The following STK3 variants were observed in gnomAD, a reference collection of about 807,000 sequenced individuals.
The protein encoded by STK3 is serine/threonine-protein kinase 3.
A neutral mutation model predicts 58.0 loss-of-function variants in STK3; 41 were observed. The observed-to-expected ratio is 0.71, with a 90% confidence interval of 0.55 to 0.92. The LOEUF is 0.92. Among genes scored for constraint, STK3 ranks in the 40% least tolerant of loss-of-function variants. The pLI is 0.00. For synonymous variants in STK3, 170 were observed against 191.0 expected, an observed-to-expected ratio of 0.89 and a Z score of 0.91; for missense variants, 479 against 602.7, an observed-to-expected ratio of 0.79 and a Z score of 2.15.
At chr8:98,696,534 A>G (rs1824951757) in intron 6 of STK3, among the ~76,000 whole-genome samples, 2 of 152,140 alleles carry the variant, frequency 1.3e-5, no homozygotes, top group South Asian at 2.1e-4. Flanking sequence ...ACGTCCCATC[A>G]ATACCTAATT....
intron 2 of STK3, among the ~76,000 whole-genome samples, chr8:98,435,086 A>G (rs1818439382): frequency 6.6e-6 from 1 of 152,202 alleles, no homozygotes; most frequent in Non-Finnish European, 1.5e-5. Context: ...AATAGAGAGC[A>G]CAGGAGCCCC....
At chr8:98,421,530 T>G (rs1441461785) in intron 3 of STK3, among the ~76,000 whole-genome samples, 1 of 152,142 alleles carries the variant, frequency 6.6e-6, no homozygotes, top group Non-Finnish European at 1.5e-5. Flanking sequence ...TCCCAGCACT[T>G]TGGGAGGCTG....
At chr8:98,777,061 A>T (rs1337737251) in intron 1 of STK3, among the ~76,000 whole-genome samples, 1 of 151,810 alleles carries the variant, frequency 6.6e-6, no homozygotes, top group African/African-American at 2.4e-5. Context: ...AAAAAAAAAA[A>T]TTAATTAAAA....
At chr8:98,406,550 A>G (rs1241442633) in intron 3 of STK3, among the ~76,000 whole-genome samples, 1 of 152,046 alleles carries the variant, frequency 6.6e-6, no homozygotes, top group Non-Finnish European at 1.5e-5. Context: ...CCCATAGTAG[A>G]GACTTACAGG....
intron 1 of STK3, among the ~76,000 whole-genome samples, chr8:98,777,537 T>C (rs1167667570): frequency 1.3e-5 from 2 of 151,930 alleles, no homozygotes; most frequent in African/African-American, 4.8e-5. Flanking sequence ...ATAGCAGAAA[T>C]GGTTCTGAAT....
At chr8:98,393,383 A>G (rs1817866251) in intron 3 of STK3, among the ~76,000 whole-genome samples, 1 of 152,160 alleles carries the variant, frequency 6.6e-6, no homozygotes. Flanking sequence ...AGATATGGCA[A>G]TAGTCCTTCA....
chr8:98,487,488 T>G (rs921093022), intron 10 of STK3, among the ~76,000 whole-genome samples: 1 of 152,154 alleles, frequency 6.6e-6, no homozygotes, highest in Non-Finnish European at 1.5e-5. Flanking sequence ...TGAATTGATA[T>G]CTCCAGTCTG....
intron 7 of STK3, among the ~76,000 whole-genome samples, chr8:98,581,247 G>A (rs928181537): frequency 1.3e-5 from 2 of 152,172 alleles, no homozygotes; most frequent in African/African-American, 4.8e-5. Context: ...GTCCTGTACT[G>A]GTACTGTGGG....
chr8:98,837,370 A>T (rs1246412020), intron 3 of STK3, among the ~76,000 whole-genome samples: 1 of 151,802 alleles, frequency 6.6e-6, no homozygotes, highest in Non-Finnish European at 1.5e-5. Context: ...CAGCAAAAAA[A>T]AAAAAAAAAG....
rs566168244 is a variant in STK3, at chr8:98,871,129, T to G, written c.110+12518A>C. On this transcript the variant is annotated intron_variant, in intron 3 of 12. Transcript: ENST00000523601. ...CTTTCCCCATTTCTTGTTTTTGTCA[T>G]GTTTGTCAAAGATCAGATGGTTGTA... Among the ~76,000 whole-genome samples, 1,437 of 152,232 alleles carry G rather than the reference T, an allele frequency of 9.4e-3. 16 individuals carry two copies. Among genetic ancestry groups the G allele is most frequent in the South Asian group, 0.029 (141 of 4,826 alleles).
intron 3 of STK3, among the ~76,000 whole-genome samples, chr8:98,860,599 C>T (rs561323641): frequency 1.3e-4 from 20 of 152,216 alleles, no homozygotes; most frequent in East Asian, 1.9e-4. Context: ...CATGATAACG[C>T]GCAGATTGCA....
intron 6 of STK3, among the ~76,000 whole-genome samples, chr8:98,697,459 A>G (rs996643562): frequency 2.0e-5 from 3 of 152,028 alleles, no homozygotes; most frequent in African/African-American, 4.8e-5. Context: ...TAGGGTGTCA[A>G]TTTTGGATCT....
At chr8:98,686,915 G>A (rs1164078329) in intron 6 of STK3, among the ~76,000 whole-genome samples, 1 of 152,078 alleles carries the variant, frequency 6.6e-6, no homozygotes, top group East Asian at 1.9e-4. Context: ...AAGCCTTCAA[G>A]AAATATGAGA....
At chr8:98,707,006 C>T (rs1826015597) in intron 5 of STK3, 141 bp downstream of exon 5, 1 of 853,632 alleles carries the variant, frequency 1.2e-6, no homozygotes, top group Admixed American at 3.6e-5. Flanking sequence ...TCAAATTTGG[C>T]TCAATTATGG....
At chr8:98,687,642 G>A (rs1238746220) in intron 6 of STK3, among the ~76,000 whole-genome samples, 1 of 152,148 alleles carries the variant, frequency 6.6e-6, no homozygotes, top group Non-Finnish European at 1.5e-5. Context: ...ATTCTTAAAA[G>A]AAATGCCAGC....
At chr8:98,612,595 C>A (rs1390736925) in intron 6 of STK3, among the ~76,000 whole-genome samples, 1 of 151,808 alleles carries the variant, frequency 6.6e-6, no homozygotes, top group South Asian at 2.1e-4. Context: ...ATATATTCCA[C>A]ACTTGGGGCC....
Position 98,428,750 on chromosome 8 carries a change from G to T in STK3, n.483+5377C>A. ...CCCCTGACTTCCTCAAGTTCTTCAA[G>T]AATGCCCTAAACCTTATTGACCTCA... On this transcript the variant is annotated intron_variant and non_coding_transcript_variant, in intron 3 of 3. Coordinates refer to the STK3 transcript ENST00000517832. This position sits in a 1 kb window ranked among gnomAD's most constrained non-coding sequence, Gnocchi z 6.7. The T allele has an allele frequency of 6.2e-7, 1 of 1,614,216 alleles. No homozygotes were observed. Among genetic ancestry groups the T allele is most frequent in the Non-Finnish European group, 8.5e-7 (1 of 1,180,044 alleles).
chr8:98,754,501 A>ACT lies in STK3; in HGVS notation c.237-5113_237-5112dup, dbSNP rs540376978. Among the ~76,000 whole-genome samples, 1,474 of 147,534 alleles carry ACT rather than the reference A, an allele frequency of 1.0e-2. 11 individuals are homozygous for ACT. The highest frequency in any genetic ancestry group is 0.019 in the Admixed American group (285 of 14,860). On this transcript the variant is annotated intron_variant, in intron 3 of 10. Transcript: ENST00000419617. Reference sequence around the variant, plus strand: ...ATATCCTTCAGGGGAAAAAAAAAAAACTCTCTCTCTCTCTCTTTTTTTTTC... The same window carrying ACT: ...ATATCCTTCAGGGGAAAAAAAAAAAACTCTCTCTCTCTCTCTCTTTTTTTTTC...
chr8:98,389,557 A>G (rs547064568), upstream of STK3, among the ~76,000 whole-genome samples: 3 of 152,264 alleles, frequency 2.0e-5, no homozygotes, highest in East Asian at 5.8e-4. Context: ...GGGTGGTGCT[A>G]GCCCTGAAGG....
Sources: allele counts gnomAD v4.1 joint callset (sites outside exome capture counted in the v4.1 genomes callset), GRCh38; gene constraint gnomAD v4.1.1; non-coding constraint Gnocchi (gnomAD v3.1); transcripts MANE v1.5; gene names NCBI Gene and HGNC (gene_info 2026-07-23, HGNC 2026-07-21).